The following CPD variants were observed in gnomAD, a reference collection of about 807,000 sequenced individuals.
CPD encodes metallocarboxypeptidase D.
A neutral mutation model predicts 138.3 loss-of-function variants in CPD; 69 were observed. The ratio of observed to expected loss-of-function variants is 0.50; its 90% confidence interval spans 0.41 to 0.61. The LOEUF (loss-of-function observed/expected upper bound fraction) is 0.61, where lower values mean the gene tolerates loss of function less well. CPD is among the 20% of genes least tolerant of loss of function. The pLI is 0.00. For synonymous variants in CPD, 651 were observed against 642.1 expected, an observed-to-expected ratio of 1.01 and a Z score of -0.21; for missense variants, 1,432 against 1,733.3, an observed-to-expected ratio of 0.83 and a Z score of 3.09.
At chr17:30,406,174 CA>C (rs1403883215) in intron 2 of CPD, among the ~76,000 whole-genome samples, 1 of 151,742 alleles carries the variant, frequency 6.6e-6, no homozygotes, top group Non-Finnish European at 1.5e-5. Context: ...ATGGTCTTAT[CA>C]AAGAAAAATT....
At chr17:30,460,607 G>T (rs1223220761) in intron 17 of CPD, among the ~76,000 whole-genome samples, 7 of 152,196 alleles carry the variant, frequency 4.6e-5, no homozygotes, top group South Asian at 2.1e-4. Context: ...TCATTGCTAT[G>T]TAAGAAAATG....
At chr17:30,461,841 TGAC>T (rs768903719) in intron 18 of CPD, 33 bp from the exon 19 acceptor site, 1 of 1,535,008 alleles carries the variant, frequency 6.5e-7, no homozygotes, top group Admixed American at 1.9e-5. Flanking sequence ...TCTGGCATTA[TGAC>T]AACATAAATT....
At position 30,383,398 on chromosome 17, in the gene CPD, A is replaced by G. The variant is rs530695276; in HGVS notation, c.747-1591A>G. Among the ~76,000 whole-genome samples, 3 of 152,334 alleles carry G rather than the reference A, an allele frequency of 2.0e-5. No homozygotes were observed. The South Asian group carries it at 6.2e-4, about 32-fold the overall frequency. The stretch of plus-strand genomic sequence containing the variant: ...GAGGTTCAGCGAATTTAAAGGCAGT[A>G]ACTTCTCCTGATTATGTTATATTAC... On this transcript the variant is annotated intron_variant, in intron 1 of 20. Transcript: ENST00000225719.
intron 2 of CPD, among the ~76,000 whole-genome samples, chr17:30,399,875 A>T (rs1911607311): frequency 6.6e-6 from 1 of 152,168 alleles, no homozygotes; most frequent in Non-Finnish European, 1.5e-5. Context: ...CTGTAATCCC[A>T]GCTACTCGAG....
At chr17:30,450,979 C>A (rs1913152286) in intron 13 of CPD, among the ~76,000 whole-genome samples, 1 of 152,072 alleles carries the variant, frequency 6.6e-6, no homozygotes, top group Non-Finnish European at 1.5e-5. Context: ...TGGCACTGTC[C>A]ATAGTGGACT....
At chr17:30,417,487 TG>T (rs1192618719) in intron 2 of CPD, among the ~76,000 whole-genome samples, 2 of 152,330 alleles carry the variant, frequency 1.3e-5, no homozygotes, top group Admixed American at 1.3e-4. Context: ...AAATTCAACA[TG>T]CCCCTTTCTG....
chr17:30,429,303 G>A (rs1323286286), intron 7 of CPD, among the ~76,000 whole-genome samples: 4 of 152,128 alleles, frequency 2.6e-5, no homozygotes, highest in African/African-American at 9.7e-5. Context: ...GGCTAAATCT[G>A]GAAAGTTAAT....
chr17:30,446,662 A>C (rs1913039553), intron 12 of CPD, among the ~76,000 whole-genome samples: 1 of 152,210 alleles, frequency 6.6e-6, no homozygotes, highest in Non-Finnish European at 1.5e-5. Context: ...TTATAGCACC[A>C]TGATTTATAG....
chr17:30,442,759 A>T (rs1301115796), intron 10 of CPD, among the ~76,000 whole-genome samples: 1 of 152,156 alleles, frequency 6.6e-6, no homozygotes, highest in Non-Finnish European at 1.5e-5. Context: ...CATAAATTGG[A>T]TACACACCTA....
At chr17:30,409,389 G>C (rs1349609816) in intron 2 of CPD, among the ~76,000 whole-genome samples, 1 of 152,154 alleles carries the variant, frequency 6.6e-6, no homozygotes, top group Non-Finnish European at 1.5e-5. Context: ...AGTTAGGGAG[G>C]ATTCCCTCCT....
At chr17:30,401,464 C>T (rs1011966658) in intron 2 of CPD, among the ~76,000 whole-genome samples, 6 of 150,704 alleles carry the variant, frequency 4.0e-5, no homozygotes, top group African/African-American at 1.2e-4. Flanking sequence ...TCTTCTTCCT[C>T]TTCTTCTTCT....
chr17:30,449,968 A>G (rs553355670), intron 13 of CPD, among the ~76,000 whole-genome samples: 1 of 152,264 alleles, frequency 6.6e-6, no homozygotes, highest in South Asian at 2.1e-4. Context: ...AGAGGCATGC[A>G]GGAAAGAATA....
At chr17:30,385,411 G>A (rs1911157591) in intron 2 of CPD, 175 bp downstream of exon 2, 3 of 676,220 alleles carry the variant, frequency 4.4e-6, no homozygotes, top group Non-Finnish European at 6.8e-6. Flanking sequence ...AGACCTATCT[G>A]TCCTTCATTT....
chr17:30,437,999 G>GC (rs1912751338), intron 8 of CPD, among the ~76,000 whole-genome samples: 1 of 135,560 alleles, frequency 7.4e-6, no homozygotes, highest in African/African-American at 2.8e-5. Flanking sequence ...ACCATGTGTG[G>GC]CTTTTTTTTT....
In CPD at chr17:30,379,459, A is replaced by T. The variant is rs910769351; in HGVS notation, c.479A>T (p.Tyr160Phe). 1.3e-6 allele frequency: 2 copies of T among 1,571,974 alleles called. No individual in the cohort carries two copies. Among genetic ancestry groups the T allele is most frequent in the Admixed American group, 3.5e-5 (2 of 56,652 alleles). ...TTGGCCCGCGAGCTGGCGGCCGGCT[A>T]CCGCCGCGGGGACCCGCGCCTGGTC... ...IYLARELAAG[Y>F]RRGDPRLVRL... Residue 160 changes from tyrosine to phenylalanine, a missense_variant, in exon 1 of 21, where the codon TAC (tyrosine) becomes TTC (phenylalanine). Physicochemically the swap from Tyr to Phe is conservative, Grantham distance 22 (BLOSUM62 3). This residue lies in a region of CPD where 484 missense variants were observed against 477.2 expected (regional missense o/e 1.01). Coordinates refer to ENST00000225719, the MANE Select transcript of CPD (RefSeq NM_001304.5). The surrounding 1 kb of genome is among the most constrained non-coding windows in gnomAD (Gnocchi z 7.0).
intron 2 of CPD, among the ~76,000 whole-genome samples, chr17:30,386,816 C>G (rs1911201966): frequency 6.6e-6 from 1 of 152,016 alleles, no homozygotes; most frequent in Admixed American, 6.5e-5. Context: ...AATAATATTC[C>G]TTGAATGTAT....
chr17:30,427,197 G>A (rs1388189365), intron 6 of CPD, among the ~76,000 whole-genome samples, 194 bp from the exon 7 acceptor site: 10 of 149,860 alleles, frequency 6.7e-5, no homozygotes, highest in Non-Finnish European at 1.5e-4. Context: ...AAAAAAAAAA[G>A]GCGGAGTCAA....
At chr17:30,441,958 A>G (rs575727903) in intron 9 of CPD, among the ~76,000 whole-genome samples, 3 of 149,382 alleles carry the variant, frequency 2.0e-5, no homozygotes, top group East Asian at 2.0e-4. Context: ...CTCTTTTTCT[A>G]TTGATTGGAA....
Position 30,379,395 on chromosome 17 carries a change from C to T in CPD, c.415C>T (p.His139Tyr), listed in dbSNP as rs773768320. 1 of 1,541,030 alleles carries T rather than the reference C, an allele frequency of 6.5e-7. No individual in the cohort carries two copies. The highest frequency in any genetic ancestry group is 8.7e-7 in the Non-Finnish European group (1 of 1,153,050). The part of the protein sequence containing the change: ...RPQVKLVGNM[H>Y]GDETVSRQVL... ...CCAGGTGAAGCTGGTGGGCAACATG[C>T]ATGGCGACGAGACCGTGTCGCGCCA... Residue 139 changes from histidine to tyrosine, a missense_variant, in exon 1 of 21, where the codon CAT becomes TAT. By Grantham distance (83) the His-to-Tyr change is moderately conservative. Coordinates refer to ENST00000225719, the MANE Select transcript of CPD (RefSeq NM_001304.5). This position sits in a 1 kb window ranked among gnomAD's most constrained non-coding sequence, Gnocchi z 7.0.
Sources: allele counts gnomAD v4.1 joint callset (sites outside exome capture counted in the v4.1 genomes callset), GRCh38; gene constraint gnomAD v4.1.1; regional missense constraint gnomAD v4.1.1; non-coding constraint Gnocchi (gnomAD v3.1); transcripts MANE v1.5; gene names NCBI Gene and HGNC (gene_info 2026-07-23, HGNC 2026-07-21).